Variants in MBD2 observed in about 807,000 individuals in gnomAD.
The protein encoded by MBD2 is methyl-CpG binding domain protein 2, also known as methyl-CpG-binding domain protein 2.
In MBD2, 9 loss-of-function variants were observed where a neutral mutation model predicts 39.3. The ratio of observed to expected loss-of-function variants is 0.23; its 90% CI spans 0.14 to 0.40. The LOEUF is 0.40. MBD2 is among the 10% of genes least tolerant of loss of function. MBD2 has a pLI of 1.00. For synonymous variants in MBD2, 233 were observed against 211.1 expected (o/e 1.10, Z -0.90); for missense variants, 458 against 532.6 (o/e 0.86, Z 1.38).
intron 2 of MBD2, among the ~76,000 whole-genome samples, chr18:54,197,192 A>G (rs2086373398): frequency 6.6e-6 from 1 of 152,206 alleles, no homozygotes; most frequent in African/African-American, 2.4e-5. Flanking sequence ...ACCTGGACAA[A>G]TACAACAGCT....
intron 2 of MBD2, among the ~76,000 whole-genome samples, chr18:54,197,214 C>T (rs1484685425): frequency 6.6e-6 from 1 of 152,200 alleles, no homozygotes; most frequent in Non-Finnish European, 1.5e-5. Flanking sequence ...CCTAACTGGC[C>T]TCCGACTTCC....
intron 3 of MBD2, among the ~76,000 whole-genome samples, chr18:54,184,674 T>G (rs1484116455): frequency 6.6e-6 from 1 of 152,224 alleles, no homozygotes. Context: ...AGAAAATATT[T>G]TTTACATTTT....
chr18:54,166,832 C>T (rs9951912), intron 3 of MBD2, among the ~76,000 whole-genome samples: 11,310 of 152,162 alleles, frequency 0.074, 1,442 homozygotes, highest in African/African-American at 0.26. Flanking sequence ...CTCCTCGTGC[C>T]CTAGGGGCTA....
chr18:54,217,294 A>G (rs2086569803), intron 1 of MBD2, among the ~76,000 whole-genome samples: 1 of 152,136 alleles, frequency 6.6e-6, no homozygotes, highest in South Asian at 2.1e-4. Flanking sequence ...GAACAAAGAC[A>G]GGATGAAATC....
In MBD2 at chr18:54,181,318, T is replaced by G. The variant is rs528033718; in HGVS notation, c.840+7556A>C. Among the ~76,000 whole-genome samples, 5 of 152,316 alleles carry G rather than the reference T, an allele frequency of 3.3e-5. No individual in the cohort carries two copies. The South Asian group carries it at 6.2e-4, about 19-fold the overall frequency. On this transcript the variant is annotated intron_variant, in intron 3 of 6. Coordinates refer to ENST00000256429, the MANE Select transcript of MBD2 (RefSeq NM_003927.5). ...CCCATCATCTTTTACTAGCTCAACA[T>G]GCAACAATTACTTTAAGAGTATAAA...
chr18:54,194,150 T>TTA (rs1568086908), intron 2 of MBD2, among the ~76,000 whole-genome samples: 1 of 152,114 alleles, frequency 6.6e-6, no homozygotes, highest in African/African-American at 2.4e-5. Flanking sequence ...CACCTGCATT[T>TTA]TAAAGTCAGC....
chr18:54,152,782 G>GA lies in MBD2; in HGVS notation c.*2541dup, dbSNP rs2086029908. ...GCCAGGCACTGTGCTACACACTTTAGAAACAGTCTATCTCACTGAATCCTC... is the reference window on the plus strand; with the variant it reads ...GCCAGGCACTGTGCTACACACTTTAGAAAACAGTCTATCTCACTGAATCCTC... On this transcript the variant is annotated 3_prime_UTR_variant, in exon 7 of 7. Transcript: ENST00000256429. 1 of 152,194 alleles carries GA rather than the reference G, an allele frequency of 6.6e-6. No individual in the cohort carries two copies. Among genetic ancestry groups the GA allele is most frequent in the Admixed American group, 6.5e-5 (1 of 15,272 alleles). The allele number at this position is 152,194 out of a possible 1,614,324, so 9.4% of individuals were successfully genotyped here. A position where few individuals can be genotyped will look rare whatever the true frequency, so the allele number is the denominator to read the frequency against.
chr18:54,198,917 GCTT>G (rs1341480202), intron 2 of MBD2, among the ~76,000 whole-genome samples: 3 of 152,052 alleles, frequency 2.0e-5, no homozygotes, highest in East Asian at 1.9e-4. Context: ...TCTCATTCAA[GCTT>G]CTTAAGAGTA....
intron 2 of MBD2, among the ~76,000 whole-genome samples, chr18:54,194,392 C>T (rs1430994789): frequency 6.6e-6 from 1 of 151,926 alleles, no homozygotes; most frequent in Non-Finnish European, 1.5e-5. Context: ...ACCTGATAAT[C>T]TTTCACTGAT....
At chr18:54,189,115 C>T (rs1382768403) in intron 2 of MBD2, 104 bp from the exon 3 acceptor site, 3 of 727,188 alleles carry the variant, frequency 4.1e-6, no homozygotes. Context: ...TTATTCCAAA[C>T]TTCTCAGTCT....
chr18:54,156,778 G>A (rs748392416), intron 6 of MBD2, among the ~76,000 whole-genome samples: 11 of 152,010 alleles, frequency 7.2e-5, no homozygotes, highest in Admixed American at 4.6e-4. Flanking sequence ...GCTTGAACCC[G>A]GGAGGCAGAG....
At chr18:54,182,851 G>A (rs1406718080) in intron 3 of MBD2, among the ~76,000 whole-genome samples, 4 of 151,996 alleles carry the variant, frequency 2.6e-5, no homozygotes, top group Non-Finnish European at 5.9e-5. Context: ...AGCATCACTT[G>A]AGCCCAGGAG....
intron 5 of MBD2, 35 bp downstream of exon 5, chr18:54,164,488 A>G: frequency 6.3e-7 from 1 of 1,581,392 alleles, no homozygotes; most frequent in South Asian, 1.1e-5. Context: ...AAACGTAAAA[A>G]CCCAAGTTTA....
Position 54,224,121 on chromosome 18 carries a change from C to T in MBD2, c.439G>A (p.Gly147Arg). The T allele has an allele frequency of 6.4e-7, 1 of 1,565,646 alleles. No homozygotes were observed. The highest frequency in any genetic ancestry group is 8.6e-7 in the Non-Finnish European group (1 of 1,161,410). ...AGGGCCGGGCAATCCATCCTCTTCC[C>T]GCTCTCCGTGGCCCGGGGTCCCCTG... is the stretch of plus-strand genomic sequence containing the variant. ...GPRGPRATES[G>R]KRMDCPALPP... Residue 147 changes from glycine (G) to arginine (R), a missense_variant, in exon 1 of 7, where the codon GGG (glycine) becomes AGG (arginine). By Grantham distance (125) the Gly-to-Arg change is moderately radical (BLOSUM62 -2). Coordinates refer to ENST00000256429, the MANE Select transcript of MBD2 (RefSeq NM_003927.5).
At chr18:54,193,436 A>C (rs1039072508) in intron 2 of MBD2, among the ~76,000 whole-genome samples, 7 of 152,128 alleles carry the variant, frequency 4.6e-5, no homozygotes, top group African/African-American at 1.7e-4. Flanking sequence ...CTCAAATCAA[A>C]ATTTAATACA....
chr18:54,182,467 C>G (rs566489652), intron 3 of MBD2, among the ~76,000 whole-genome samples: 1 of 152,168 alleles, frequency 6.6e-6, no homozygotes, highest in South Asian at 2.1e-4. Flanking sequence ...GGATGAATAG[C>G]ATATGCAAAA....
intron 3 of MBD2, among the ~76,000 whole-genome samples, chr18:54,166,379 C>T (rs145486593): frequency 0.014 from 2,163 of 152,294 alleles, 12 homozygotes; most frequent in Admixed American, 0.025. Context: ...GGTTGTTTTA[C>T]ATAACCTATT....
chr18:54,198,504 A>C (rs1365884120), intron 2 of MBD2, among the ~76,000 whole-genome samples: 1 of 152,194 alleles, frequency 6.6e-6, no homozygotes, highest in Non-Finnish European at 1.5e-5. Context: ...GCTTGAACCC[A>C]GGAGTTTGAG....
rs1192209202 is a variant in MBD2 at position 54,224,278 on chromosome 18, GCGGCCC to G, written c.276_281del (p.Gly95_Arg96del). The G allele has an allele frequency of 4.0e-5, 38 of 942,150 alleles. No individual in the cohort carries two copies. The highest frequency in any genetic ancestry group is 6.4e-5 in the Admixed American group (1 of 15,620). The allele number at this position is 942,150 out of a possible 1,614,324, so 58.4% of individuals were successfully genotyped here. A position where few individuals can be genotyped will look rare whatever the true frequency, so the allele number is the denominator to read the frequency against. ...CGCTGCCGCCACTCGGGGGACGGCC[GCGGCCC>G]CGGCCCCGGCCCCGTCCCCGTCCCC... On this transcript the variant is annotated inframe_deletion, in exon 1 of 7. Coordinates refer to ENST00000256429, the MANE Select transcript of MBD2 (RefSeq NM_003927.5).
Sources: gnomAD v4.1 joint callset for allele counts (sites outside exome capture counted in the v4.1 genomes callset) on GRCh38, gnomAD v4.1.1 for gene constraint, MANE v1.5 for transcripts, NCBI Gene and HGNC (gene_info 2026-07-23, HGNC 2026-07-21) for gene names.